ASMTL: variants seen among roughly 807,000 people sequenced by gnomAD.
The protein encoded by ASMTL is probable bifunctional dTTP/UTP pyrophosphatase/methyltransferase protein.
Under a neutral mutation model 60.3 loss-of-function variants are expected in ASMTL, and 57 were observed. The observed-to-expected ratio is 0.95, with a 90% CI of 0.76 to 1.18. The LOEUF (loss-of-function observed/expected upper bound fraction) is 1.18, where lower values mean the gene tolerates loss of function less well. Ranked by LOEUF, ASMTL falls within the 50% of genes most tolerant of loss-of-function variation. ASMTL has a pLI of 0.00. For synonymous variants in ASMTL, 419 were observed against 373.0 expected, an observed-to-expected ratio of 1.12 and a Z score of -1.42; for missense variants, 981 against 852.6, an observed-to-expected ratio of 1.15 and a Z score of -1.88.
chrX:1,440,276 C>G (rs1175867863), intron 2 of ASMTL, among the ~76,000 whole-genome samples: 3 of 151,912 alleles, frequency 2.0e-5, no homozygotes, highest in Admixed American at 6.6e-5. Context: ...GTTTTTAGTA[C>G]AGACGGGGTT....
At chrX:1,416,673 C>G (rs1438363238) in intron 11 of ASMTL, among the ~76,000 whole-genome samples, 3 of 151,916 alleles carry the variant, frequency 2.0e-5, no homozygotes, top group Non-Finnish European at 4.4e-5. Flanking sequence ...GTTGCACACA[C>G]ACAAACGCAG....
intron 1 of ASMTL, among the ~76,000 whole-genome samples, chrX:1,448,454 A>G (rs192168947): frequency 0.042 from 6,368 of 149,980 alleles, 417 homozygotes; most frequent in African/African-American, 0.15. Flanking sequence ...GAAAAGCACC[A>G]CCATCTTGGA....
At chrX:1,435,319 G>A in intron 4 of ASMTL, 1 of 624,136 alleles carries the variant, frequency 1.6e-6, no homozygotes, top group South Asian at 1.9e-5. Flanking sequence ...AGGCCAGGCA[G>A]CTCTCAGCTG....
Position 1,432,359 on chromosome X carries a change from C to G in ASMTL, c.419G>C (p.Arg140Thr), listed in dbSNP as rs769298046. Residue 140 changes from arginine to threonine, a missense_variant, in exon 6 of 13, where the codon AGG becomes ACG. Arg to Thr is a moderately conservative substitution (Grantham distance 71). Coordinates refer to ENST00000381317, the MANE Select transcript of ASMTL (RefSeq NM_004192.4). ...CSSKDHQLDT[R>T]VSEFYEETKV... ...CGTTTCCTCGTAGAATTCCGAGACCCTGGTGTCCAGCTGATGGTCTGCAAG... is the reference window on the plus strand; with the variant it reads ...CGTTTCCTCGTAGAATTCCGAGACCGTGGTGTCCAGCTGATGGTCTGCAAG... The G allele has an allele frequency of 2.5e-6, 4 of 1,613,038 alleles. No individual in the cohort carries two copies. In the South Asian group the frequency reaches 3.3e-5, roughly 13 times the overall value.
intron 6 of ASMTL, among the ~76,000 whole-genome samples, chrX:1,431,661 G>T (rs746323108): frequency 6.9e-5 from 10 of 144,812 alleles, no homozygotes; most frequent in African/African-American, 2.3e-4. Flanking sequence ...GTATAATGTA[G>T]ATTATATATA....
chrX:1,428,708 C>T (rs1370429763), intron 6 of ASMTL, among the ~76,000 whole-genome samples: 2 of 129,764 alleles, frequency 1.5e-5, no homozygotes, highest in Non-Finnish European at 3.3e-5. Flanking sequence ...CATATGTATA[C>T]ATGCGTCATC....
At chrX:1,435,446 C>T (rs2090935549) in intron 4 of ASMTL, 1 of 613,178 alleles carries the variant, frequency 1.6e-6, no homozygotes, top group South Asian at 2.0e-5. Context: ...GCCAACTTCT[C>T]ATGACCCCAA....
chrX:1,442,822 C>G (rs2091136055), intron 1 of ASMTL, among the ~76,000 whole-genome samples: 1 of 152,118 alleles, frequency 6.6e-6, no homozygotes. Flanking sequence ...CAACACCGCC[C>G]CTGGGGAGGC....
chrX:1,443,168 C>T lies in ASMTL; in HGVS notation c.94-851G>A, dbSNP rs1482962505. ...CGCCATCTTGGACACACACCGCCAT[C>T]GTGGACACACACCGCCATCGTGGAC... On this transcript the variant is annotated intron_variant, in intron 1 of 12. Transcript: ENST00000381317. Among the ~76,000 whole-genome samples the T allele has an allele frequency of 1.1e-4, 17 of 151,606 alleles. No homozygotes were observed. In the South Asian group the frequency reaches 1.7e-3, roughly 15 times the overall value.
rs778674489 is a variant in ASMTL at position 1,419,246 on chromosome X, C to T, written c.1246-132G>A. 59 of 1,035,654 alleles carry T rather than the reference C, an allele frequency of 5.7e-5. No homozygotes were observed. The African/African-American group carries it at 6.2e-4, about 11-fold the overall frequency. The allele number at this position is 1,035,654 out of a possible 1,614,324, so 64.2% of individuals were successfully genotyped here. A position where few individuals can be genotyped will look rare whatever the true frequency, so the allele number is the denominator to read the frequency against. On this transcript the variant is annotated intron_variant, in intron 9 of 12. Coordinates refer to ENST00000381317, the MANE Select transcript of ASMTL (RefSeq NM_004192.4). ...GCTCAGCCGCGCCTGGGCTGCAGAGCGGGCTTCATGCCACAGCTGTGTGGG... is the reference window on the plus strand; with the variant it reads ...GCTCAGCCGCGCCTGGGCTGCAGAGTGGGCTTCATGCCACAGCTGTGTGGG...
At chrX:1,431,115 T>C (rs1297078809) in intron 6 of ASMTL, among the ~76,000 whole-genome samples, 1 of 124,748 alleles carries the variant, frequency 8.0e-6, no homozygotes, top group Non-Finnish European at 1.6e-5. Context: ...TTATATTTTA[T>C]AATATATAAT....
intron 11 of ASMTL, among the ~76,000 whole-genome samples, chrX:1,417,477 A>G (rs1346678471): frequency 1.3e-5 from 2 of 150,456 alleles, no homozygotes. Context: ...ACAGTTACAT[A>G]TGCACGGAAG....
At chrX:1,406,153 A>C (rs1236628013) in intron 12 of ASMTL, among the ~76,000 whole-genome samples, 1 of 149,280 alleles carries the variant, frequency 6.7e-6, no homozygotes, top group African/African-American at 2.5e-5. Context: ...GATGAGATGG[A>C]TGGATGGCTG....
intron 6 of ASMTL, chrX:1,432,012 C>G (rs1174575659): frequency 1.1e-4 from 59 of 558,240 alleles, no homozygotes; most frequent in Non-Finnish European, 2.9e-5. Flanking sequence ...TGCCCAGCGC[C>G]TCCCCAGTCC....
At chrX:1,422,578 C>T (rs1224103367) in intron 8 of ASMTL, among the ~76,000 whole-genome samples, 1 of 152,094 alleles carries the variant, frequency 6.6e-6, no homozygotes, top group Non-Finnish European at 1.5e-5. Context: ...TTCCAGGATG[C>T]CCCCTCCCAC....
intron 2 of ASMTL, 75 bp from the exon 3 acceptor site, chrX:1,439,219 G>GC: frequency 6.7e-7 from 1 of 1,502,308 alleles, no homozygotes; most frequent in African/African-American, 1.4e-5. Context: ...GTCGGTACGG[G>GC]CGTGAAAGAG....
intron 2 of ASMTL, chrX:1,441,904 CAGATA>C: frequency 2.4e-6 from 1 of 411,330 alleles, no homozygotes; most frequent in Non-Finnish European, 4.3e-6. Context: ...CACATAGTAA[CAGATA>C]AGCTACATTA....
chrX:1,420,558 T>A lies in ASMTL; in HGVS notation c.1245+1100A>T, dbSNP rs117116556. On this transcript the variant is annotated intron_variant, in intron 9 of 12. Coordinates refer to ENST00000381317, the MANE Select transcript of ASMTL (RefSeq NM_004192.4). ...ACGGCCAGCCGAGCCCACAGCAGAC[T>A]CCCCACGCCTGGCTGGCACAGCCCT... 7.3e-3 allele frequency among the ~76,000 whole-genome samples: 1,104 copies of A among 152,138 alleles called. 18 individuals are homozygous for A. Among genetic ancestry groups the A allele is most frequent in the African/African-American group, 0.025 (1,031 of 41,492 alleles).
At position 1,421,849 on chromosome X, in the gene ASMTL, A is replaced by G; in HGVS notation, c.1061-7T>C. 1.2e-6 allele frequency: 2 copies of G among 1,613,584 alleles called. No individual in the cohort carries two copies. The highest frequency in any genetic ancestry group is 2.2e-5 in the South Asian group (2 of 91,062). On this transcript the variant is annotated splice_region_variant and splice_polypyrimidine_tract_variant and intron_variant, in intron 8 of 12. Coordinates refer to ENST00000381317, the MANE Select transcript of ASMTL (RefSeq NM_004192.4). ...GTCTCTGTGTTACTGTAACCTGGAGAAATGGGGACAGTCGTGTGACCTCCT... is the reference window on the plus strand; with the variant it reads ...GTCTCTGTGTTACTGTAACCTGGAGGAATGGGGACAGTCGTGTGACCTCCT...
Sources: allele counts gnomAD v4.1 joint callset (sites outside exome capture counted in the v4.1 genomes callset), GRCh38; gene constraint gnomAD v4.1.1; transcripts MANE v1.5; gene names NCBI Gene and HGNC (gene_info 2026-07-23, HGNC 2026-07-21).